Variants in UBR4 observed in about 807,000 individuals in gnomAD.
The protein encoded by UBR4 is ubiquitin protein ligase E3 component n-recognin 4, also known as E3 ubiquitin-protein ligase UBR4.
A neutral mutation model predicts 575.6 loss-of-function variants in UBR4; 124 were observed. The observed-to-expected ratio is 0.22, with a 90% CI of 0.19 to 0.25. The LOEUF is 0.25. Ranked by LOEUF, UBR4 falls within the 10% of genes least tolerant of loss-of-function variation. UBR4 has a pLI of 1.00. For missense variants in UBR4, 4,818 were observed against 6,478.8 expected (o/e 0.74, Z 8.80); for synonymous variants, 2,455 against 2,473.7 (o/e 0.99, Z 0.22).
At chr1:19,173,114 T>G in intron 24 of UBR4, 21 bp from the exon 25 acceptor site, 2 of 1,613,676 alleles carry the variant, frequency 1.2e-6, no homozygotes, top group Non-Finnish European at 1.7e-6. Flanking sequence ...ATGCAAAATA[T>G]AATTAGCTGT....
intron 86 of UBR4, 140 bp from the exon 87 acceptor site, chr1:19,104,397 G>A (rs1333150899): frequency 2.5e-5 from 31 of 1,237,650 alleles, no homozygotes; most frequent in Middle Eastern, 2.0e-4. Flanking sequence ...TTCAACAAGC[G>A]GAAACAGTCA....
At chr1:19,130,895 A>G (rs2082344791) in intron 60 of UBR4, among the ~76,000 whole-genome samples, 1 of 152,134 alleles carries the variant, frequency 6.6e-6, no homozygotes. Context: ...ATTTTCAAAC[A>G]TCATTCATTC....
chr1:19,195,266 A>AAATAATAATAAT (rs56018841), intron 8 of UBR4, among the ~76,000 whole-genome samples: 2,975 of 143,300 alleles, frequency 0.021, 50 homozygotes, highest in East Asian at 0.06. Flanking sequence ...CTCCATCTCA[A>AAATAATAATAAT]AATAATAATA....
Position 19,180,627 on chromosome 1 carries a change from C to G in UBR4, c.2185-1407G>C, listed in dbSNP as rs150366353. 9.2e-5 allele frequency among the ~76,000 whole-genome samples: 14 copies of G among 151,368 alleles called. No individual in the cohort carries two copies. The East Asian group carries it at 2.5e-3, about 27-fold the overall frequency. ...TAATGGAAAAATCAGGAAAAAAAAT[C>G]TAAATGTTCAAATCAAGGGGCGTAC... On this transcript the variant is annotated intron_variant, in intron 17 of 105. Transcript: ENST00000375254.
Position 19,126,596 on chromosome 1 carries a change from G to C in UBR4, c.9288C>G (p.Asp3096Glu). The C allele has an allele frequency of 6.2e-7, 1 of 1,614,130 alleles. No individual in the cohort carries two copies. Among genetic ancestry groups the C allele is most frequent in the South Asian group, 1.1e-5 (1 of 91,084 alleles). ...GTGATTTGAGCACGTGCAGGCAGTA[G>C]TCCACAGCCCCAGAGCTCAGTAGAG... is the stretch of plus-strand genomic sequence containing the variant. ...AAALLSSGAVDYCLHVLKSLL... is the reference protein window; with the variant it reads ...AAALLSSGAVEYCLHVLKSLL... Residue 3096 changes from aspartate to glutamate, a missense_variant, in exon 64 of 106, where the codon GAC becomes GAG. Asp to Glu is a conservative substitution (Grantham distance 45). Around this residue, in one of 29 missense-constraint regions of UBR4, gnomAD observed 550 missense variants for 791.5 expected, o/e 0.69. Transcript: ENST00000375254.
chr1:19,156,790 A>G lies in UBR4; in HGVS notation c.5896T>C (p.Tyr1966His). 1 of 1,614,036 alleles carries G rather than the reference A, an allele frequency of 6.2e-7. No homozygotes were observed. Among genetic ancestry groups the G allele is most frequent in the East Asian group, 2.2e-5 (1 of 44,888 alleles). Residue 1966 changes from tyrosine to histidine, a missense_variant, in exon 41 of 106, where the codon TAC becomes CAC. Transcript: ENST00000375254. Reference sequence around the variant, plus strand: ...ACCTTTAGCCCACAAACCGCCAAGTAGTCTTCCTTGCAGGGATTTCCTGTG... The same window carrying G: ...ACCTTTAGCCCACAAACCGCCAAGTGGTCTTCCTTGCAGGGATTTCCTGTG... ...SLTGNPCKED[Y>H]LAVCGLKDCH... is the part of the protein sequence containing the mutation.
chr1:19,193,883 A>C (rs2092287090), intron 8 of UBR4, among the ~76,000 whole-genome samples: 1 of 152,236 alleles, frequency 6.6e-6, no homozygotes, highest in Non-Finnish European at 1.5e-5. Context: ...TGGACTATTA[A>C]GCCATGAGAA....
intron 64 of UBR4, 57 bp from the exon 65 acceptor site, chr1:19,124,747 T>A: frequency 1.3e-6 from 2 of 1,585,034 alleles, no homozygotes; most frequent in Admixed American, 3.6e-5. Flanking sequence ...ATGACCACAA[T>A]TAGGAAAAAG....
intron 104 of UBR4, among the ~76,000 whole-genome samples, chr1:19,077,377 G>T (rs1466570785): frequency 1.3e-5 from 2 of 152,212 alleles, no homozygotes; most frequent in African/African-American, 4.8e-5. Flanking sequence ...ACCCGGCGGG[G>T]AAGGTCTTCC....
Position 19,093,609 on chromosome 1 carries a change from C to T in UBR4, c.13938-123G>A. 1 of 1,095,948 alleles carries T rather than the reference C, an allele frequency of 9.1e-7. No homozygotes were observed. The highest frequency in any genetic ancestry group is 1.3e-6 in the Non-Finnish European group (1 of 769,108). 67.9% of individuals were successfully genotyped at this position (1,095,948 alleles called of 1,614,324 possible). A position where few individuals can be genotyped will look rare whatever the true frequency, so the allele number is the denominator to read the frequency against. On this transcript the variant is annotated intron_variant, in intron 95 of 105. Coordinates refer to ENST00000375254, the MANE Select transcript of UBR4 (RefSeq NM_020765.3). This position sits in a 1 kb window ranked among gnomAD's most constrained non-coding sequence, Gnocchi z 4.8. ...CAAGGCTAAATTCCCTAACGTGACA[C>T]AAAGACCTATCTGCCCCGGCTCCTG...
At chr1:19,192,665 C>A in intron 9 of UBR4, 125 bp from the exon 10 acceptor site, 6 of 1,020,608 alleles carry the variant, frequency 5.9e-6, no homozygotes, top group Non-Finnish European at 8.9e-6. Flanking sequence ...TACATTCCAT[C>A]GTACTTTCCT....
chr1:19,167,118 A>G lies in UBR4; in HGVS notation c.4013T>C (p.Leu1338Ser). Residue 1338 changes from leucine (L) to serine (S), a missense_variant, in exon 29 of 106, where the codon TTG becomes TCG. Physicochemically the swap from Leu to Ser is moderately radical, Grantham distance 145 (BLOSUM62 -2). Coordinates refer to ENST00000375254, the MANE Select transcript of UBR4 (RefSeq NM_020765.3). ...GAACTCATCAGACTCAGCAGGGCCC[A>G]AGATGCGTTCCAGGGAGTTGCTACT... The part of the protein sequence containing the change: ...EISSNSLERI[L>S]GPAESDEFLA... 1.2e-6 allele frequency: 2 copies of G among 1,614,240 alleles called. No individual in the cohort carries two copies. Among genetic ancestry groups the G allele is most frequent in the Non-Finnish European group, 1.7e-6 (2 of 1,180,042 alleles).
chr1:19,100,485 G>A lies in UBR4; in HGVS notation c.13112C>T (p.Pro4371Leu). ...DFLQGRMPGN[P>L]YSSNEPGIGP... ...GATGCCTGGCTCATTGCTGCTATACGGGTTCCCAGGCATCCTGCCCTGTAA... is the reference window on the plus strand; with the variant it reads ...GATGCCTGGCTCATTGCTGCTATACAGGTTCCCAGGCATCCTGCCCTGTAA... The change falls in exon 89 of 106, where the codon CCG becomes CTG. Residue 4371 changes from proline (P) to leucine (L), a missense_variant. Transcript: ENST00000375254. The surrounding 1 kb of genome is among the most constrained non-coding windows in gnomAD (Gnocchi z 4.2). The A allele has an allele frequency of 6.2e-7, 1 of 1,614,006 alleles. No individual in the cohort carries two copies. Among genetic ancestry groups the A allele is most frequent in the Non-Finnish European group, 8.5e-7 (1 of 1,180,008 alleles).
At chr1:19,149,620 T>C (rs2085368007) in intron 49 of UBR4, 1 of 686,862 alleles carries the variant, frequency 1.5e-6, no homozygotes, top group Non-Finnish European at 2.1e-6. Flanking sequence ...CATGGACAGC[T>C]CTGTAGCCAT....
chr1:19,163,874 C>T (rs924488981), intron 33 of UBR4, 47 bp from the exon 34 acceptor site: 22 of 1,598,274 alleles, frequency 1.4e-5, no homozygotes, highest in South Asian at 2.2e-5. Context: ...ACAAAATCAT[C>T]GAAGAAACCA....
chr1:19,099,027 CTAATACTTCCA>C (rs1012386156), intron 90 of UBR4, among the ~76,000 whole-genome samples: 3 of 152,166 alleles, frequency 2.0e-5, no homozygotes, highest in African/African-American at 7.2e-5. Flanking sequence ...AGGGGACCAT[CTAATACTTCCA>C]TAAGTGGACA....
intron 19 of UBR4, among the ~76,000 whole-genome samples, chr1:19,176,931 A>G (rs183076004): frequency 1.8e-4 from 28 of 152,332 alleles, no homozygotes; most frequent in Middle Eastern, 3.4e-3. Context: ...TGGGAAACTC[A>G]CAAACCAAAA....
At position 19,075,140 on chromosome 1, in the gene UBR4, T is replaced by C. The variant is rs2075798569; in HGVS notation, c.15488-244A>G. The stretch of plus-strand genomic sequence containing the variant: ...TTTTTGTTCTCACATTTGAATAGGG[T>C]GTGTCTGATGTTCTGAAATTTTCTA... On this transcript the variant is annotated intron_variant, in intron 105 of 105. Coordinates refer to ENST00000375254, the MANE Select transcript of UBR4 (RefSeq NM_020765.3). The C allele has an allele frequency of 9.2e-6, 5 of 540,872 alleles. No individual in the cohort carries two copies. The Admixed American group carries it at 1.3e-4, about 14-fold the overall frequency. The allele number at this position is 540,872 out of a possible 1,614,324, so 33.5% of individuals were successfully genotyped here. A position where few individuals can be genotyped will look rare whatever the true frequency, so the allele number is the denominator to read the frequency against.
At chr1:19,166,419 TA>T (rs11299380) in intron 29 of UBR4, among the ~76,000 whole-genome samples, 14,755 of 149,644 alleles carry the variant, frequency 0.099, 790 homozygotes, top group Non-Finnish European at 0.12. Flanking sequence ...TGATAGTCAT[TA>T]AAAACAATTT....
Sources: gnomAD v4.1 joint callset for allele counts (sites outside exome capture counted in the v4.1 genomes callset) on GRCh38, gnomAD v4.1.1 for gene constraint, gnomAD v4.1.1 regional missense constraint, Gnocchi (gnomAD v3.1) non-coding constraint, MANE v1.5 for transcripts, NCBI Gene and HGNC (gene_info 2026-07-23, HGNC 2026-07-21) for gene names.